TEX264: variants seen among roughly 807,000 people sequenced by gnomAD.
TEX264 encodes testis-expressed protein 264.
TEX264 carries 13 observed loss-of-function variants against 23.4 expected under a neutral mutation model. That is an observed-to-expected ratio of 0.56 (90% CI 0.36 to 0.88). TEX264 has a LOEUF of 0.88. TEX264 is among the 40% of genes least tolerant of loss of function. The pLI is 0.01. For missense variants in TEX264, 340 were observed against 406.8 expected, an observed-to-expected ratio of 0.84 and a Z score of 1.41; for synonymous variants, 159 against 170.0, an observed-to-expected ratio of 0.94 and a Z score of 0.50.
intron 2 of TEX264, among the ~76,000 whole-genome samples, chr3:51,675,969 G>A (rs564944955): frequency 6.6e-6 from 1 of 152,296 alleles, no homozygotes; most frequent in Admixed American, 6.5e-5. Flanking sequence ...GAGGGAAGGA[G>A]ATGAGGCAGG....
At chr3:51,673,356 C>A (rs955429043) in intron 1 of TEX264, among the ~76,000 whole-genome samples, 5 of 152,206 alleles carry the variant, frequency 3.3e-5, no homozygotes, top group African/African-American at 1.2e-4. Flanking sequence ...CCCAAGCTGC[C>A]TGGAGAACTA....
At chr3:51,685,395 GA>G (rs1451927297) in intron 3 of TEX264, among the ~76,000 whole-genome samples, 1 of 152,234 alleles carries the variant, frequency 6.6e-6, no homozygotes, top group Non-Finnish European at 1.5e-5. Flanking sequence ...CAATGTGAAT[GA>G]AACGTTGGTG....
intron 3 of TEX264, among the ~76,000 whole-genome samples, chr3:51,695,627 T>C (rs187771688): frequency 4.4e-4 from 67 of 152,300 alleles, no homozygotes; most frequent in Non-Finnish European, 7.6e-4. Flanking sequence ...GCCTGGTGTA[T>C]CAGTCTTGCC....
intron 4 of TEX264, among the ~76,000 whole-genome samples, chr3:51,699,846 A>T (rs1703221407): frequency 6.6e-6 from 1 of 152,288 alleles, no homozygotes; most frequent in Non-Finnish European, 1.5e-5. Context: ...CTCCAGATGC[A>T]GCAGGAGTAC....
chr3:51,674,632 G>C, intron 2 of TEX264, 70 bp downstream of exon 2: 1 of 1,566,852 alleles, frequency 6.4e-7, no homozygotes, highest in Admixed American at 1.8e-5. Context: ...GGGGAGGGTA[G>C]TTTTGGTTGC....
intron 2 of TEX264, 55 bp from the exon 3 acceptor site, chr3:51,684,358 G>GCCC: frequency 7.1e-6 from 11 of 1,549,902 alleles, no homozygotes; most frequent in Non-Finnish European, 8.9e-6. Context: ...GAGGAAGGAG[G>GCCC]TCTGAGGGCC....
intron 1 of TEX264, among the ~76,000 whole-genome samples, 194 bp from the exon 2 acceptor site, chr3:51,674,077 A>G (rs1193598190): frequency 6.6e-6 from 1 of 152,196 alleles, no homozygotes; most frequent in Non-Finnish European, 1.5e-5. Flanking sequence ...AGAAATAAAG[A>G]GGCTTGTGGC....
chr3:51,689,319 A>G (rs1180694462), intron 3 of TEX264, among the ~76,000 whole-genome samples: 1 of 151,938 alleles, frequency 6.6e-6, no homozygotes, highest in African/African-American at 2.4e-5. Context: ...GGTCTCAGCT[A>G]CTCGGGAGGC....
intron 3 of TEX264, among the ~76,000 whole-genome samples, chr3:51,694,013 T>C (rs1355118541): frequency 7.7e-6 from 1 of 130,116 alleles, no homozygotes; most frequent in African/African-American, 3.4e-5. Context: ...CTTCCTTCCT[T>C]CCTTCCTTCC....
Position 51,691,440 on chromosome 3 carries a change from C to G in TEX264, c.480+6806C>G, listed in dbSNP as rs115236540. Among the ~76,000 whole-genome samples, 652 of 152,338 alleles carry G rather than the reference C, an allele frequency of 4.3e-3. 4 individuals are homozygous for G. Among genetic ancestry groups the G allele is most frequent in the African/African-American group, 0.015 (622 of 41,566 alleles). The stretch of plus-strand genomic sequence containing the variant: ...GCACTCTTTCCTCTTCCACCTCCTC[C>G]AGCCACAGAGCCTAGCCATGCCTGG... On this transcript the variant is annotated intron_variant, in intron 3 of 4. Coordinates refer to ENST00000341333, the MANE Select transcript of TEX264 (RefSeq NM_015926.6). This position sits in a 1 kb window ranked among gnomAD's most constrained non-coding sequence, Gnocchi z 4.4.
At chr3:51,682,122 C>T (rs1472667128) in intron 2 of TEX264, 6 of 152,212 alleles carry the variant, frequency 3.9e-5, no homozygotes. Flanking sequence ...GTAGATGTTT[C>T]TTTTGCACAG....
intron 3 of TEX264, 34 bp downstream of exon 3, chr3:51,684,668 A>G: frequency 1.2e-6 from 2 of 1,604,278 alleles, no homozygotes; most frequent in Non-Finnish European, 1.7e-6. Flanking sequence ...TGTGTTGGGG[A>G]CAGCCAGGCC....
rs2106896367 is a variant in TEX264 at position 51,674,288 on chromosome 3, G to T, written c.-17G>T. The T allele has an allele frequency of 6.2e-7, 1 of 1,614,008 alleles. No individual in the cohort carries two copies. Among genetic ancestry groups the T allele is most frequent in the African/African-American group, 1.3e-5 (1 of 75,042 alleles). ...CTTTGCAGCTGCCTTGAGGTGCAGT[G>T]TTGGGGATCCAGAGCCATGTCGGAC... On this transcript the variant is annotated 5_prime_UTR_variant, in exon 2 of 5. Transcript: ENST00000341333.
At chr3:51,671,939 A>T (rs1302508236) in intron 1 of TEX264, 1 of 152,196 alleles carries the variant, frequency 6.6e-6, no homozygotes, top group Non-Finnish European at 1.5e-5. Context: ...CTCTGAGCGG[A>T]GGGGGAGCCG....
intron 2 of TEX264, among the ~76,000 whole-genome samples, chr3:51,678,025 A>G (rs1702288322): frequency 2.0e-5 from 3 of 152,146 alleles, no homozygotes; most frequent in African/African-American, 2.4e-5. Flanking sequence ...AAGGTATGCA[A>G]GGGATGGGGT....
intron 2 of TEX264, among the ~76,000 whole-genome samples, chr3:51,678,377 C>T (rs1191331130): frequency 6.6e-6 from 1 of 152,214 alleles, no homozygotes; most frequent in Non-Finnish European, 1.5e-5. Flanking sequence ...GTCTGCCAGG[C>T]TGGCTCTCTA....
rs572015409 is a variant in TEX264, at chr3:51,701,231, C to A, written c.649+1657C>A. ...AGGGCCCTGCCTTGCCTGGTATCTTCTGCCCAGGGATGCAGGCATGGGACT... is the reference window on the plus strand; with the variant it reads ...AGGGCCCTGCCTTGCCTGGTATCTTATGCCCAGGGATGCAGGCATGGGACT... On this transcript the variant is annotated intron_variant, in intron 4 of 4. Coordinates refer to ENST00000341333, the MANE Select transcript of TEX264 (RefSeq NM_015926.6). Among the ~76,000 whole-genome samples, 5 of 152,010 alleles carry A rather than the reference C, an allele frequency of 3.3e-5. No individual in the cohort carries two copies. In the East Asian group the frequency reaches 9.7e-4, roughly 29 times the overall value.
rs571825989 is a variant in TEX264, at chr3:51,685,400, G to A, written c.480+766G>A. Among the ~76,000 whole-genome samples, 25 of 152,340 alleles carry A rather than the reference G, an allele frequency of 1.6e-4. 1 individual carries two copies. Among genetic ancestry groups the A allele is most frequent in the Admixed American group, 7.2e-4 (11 of 15,308 alleles). ...ATAATGGGCACAATGTGAATGAAAC[G>A]TTGGTGCATGAAACAGCCATTCACA... On this transcript the variant is annotated intron_variant, in intron 3 of 4. Transcript: ENST00000341333.
Position 51,703,991 on chromosome 3 carries a change from C to G in TEX264, c.917C>G (p.Thr306Ser), listed in dbSNP as rs1703431186. Residue 306 changes from threonine to serine, a missense_variant, in exon 5 of 5, where the codon ACT becomes AGT. By Grantham distance (58) the Thr-to-Ser change is moderately conservative (BLOSUM62 1). Transcript: ENST00000341333. This position sits in a 1 kb window ranked among gnomAD's most constrained non-coding sequence, Gnocchi z 4.8. Reference sequence around the variant, plus strand: ...ACTACCAAGTGGCTCTGGGAGCCCACTGCCCCTGAGAAGGGCAAGGAGTAA... The same window carrying G: ...ACTACCAAGTGGCTCTGGGAGCCCAGTGCCCCTGAGAAGGGCAAGGAGTAA... ...LGTTKWLWEP[T>S]APEKGKE The G allele has an allele frequency of 2.6e-6, 4 of 1,543,488 alleles. No homozygotes were observed. The highest frequency in any genetic ancestry group is 3.5e-6 in the Non-Finnish European group (4 of 1,142,628).
Sources: allele counts gnomAD v4.1 joint callset (sites outside exome capture counted in the v4.1 genomes callset), GRCh38; gene constraint gnomAD v4.1.1; non-coding constraint Gnocchi (gnomAD v3.1); transcripts MANE v1.5; gene names NCBI Gene and HGNC (gene_info 2026-07-23, HGNC 2026-07-21).